The following ENTPD7 variants were observed in gnomAD, a reference collection of about 807,000 sequenced individuals.
ENTPD7 encodes NTPDase 7.
In ENTPD7, 53 loss-of-function variants were observed where a neutral mutation model predicts 77.9. The ratio of observed to expected loss-of-function variants is 0.68; its 90% confidence interval spans 0.55 to 0.85. The LOEUF (loss-of-function observed/expected upper bound fraction) is 0.85. ENTPD7 is among the 40% of genes least tolerant of loss of function. The pLI is 0.00. For missense variants in ENTPD7, 636 were observed against 743.7 expected (o/e 0.86, Z 1.68); for synonymous variants, 248 against 274.9 (o/e 0.90, Z 0.97).
At chr10:99,683,419 TA>T (rs879507272) in intron 5 of ENTPD7, among the ~76,000 whole-genome samples, 1 of 152,014 alleles carries the variant, frequency 6.6e-6, no homozygotes. Context: ...ATTTTGCAGT[TA>T]AAAAAAATCC....
At chr10:99,681,721 C>A (rs967352851) in intron 5 of ENTPD7, among the ~76,000 whole-genome samples, 3 of 152,140 alleles carry the variant, frequency 2.0e-5, no homozygotes, top group Admixed American at 1.3e-4. Context: ...TTTTGGATAA[C>A]AGCCATCCTG....
Position 99,704,549 on chromosome 10 carries a change from G to T in ENTPD7, c.1681G>T (p.Val561Leu), listed in dbSNP as rs769340182. ...TCTCTTCTTTGCCTGTATCCTGGTG[G>T]TGCTACTGGCCATCTTCCTATACCT... ...HYLFFACILVVLLAIFLYLLR... is the reference protein window; with the variant it reads ...HYLFFACILVLLLAIFLYLLR... The change falls in exon 13 of 13, where the codon GTG becomes TTG. Residue 561 changes from valine to leucine, a missense_variant. Val to Leu is a conservative substitution (Grantham distance 32). Coordinates refer to ENST00000370489, the MANE Select transcript of ENTPD7 (RefSeq NM_020354.5). The T allele has an allele frequency of 1.9e-6, 3 of 1,614,152 alleles. No homozygotes were observed. The highest frequency in any genetic ancestry group is 2.5e-6 in the Non-Finnish European group (3 of 1,180,026).
intron 3 of ENTPD7, among the ~76,000 whole-genome samples, chr10:99,662,248 T>C (rs1447017074): frequency 2.0e-5 from 3 of 152,232 alleles, no homozygotes; most frequent in Admixed American, 1.3e-4. Context: ...TCTTGTTCTT[T>C]TTCCTCTTTT....
Position 99,701,056 on chromosome 10 carries a change from C to G in ENTPD7, c.1419C>G (p.Leu473=), listed in dbSNP as rs536051677. The G allele has an allele frequency of 1.2e-6, 2 of 1,613,394 alleles. No individual in the cohort carries two copies. Among genetic ancestry groups the G allele is most frequent in the Non-Finnish European group, 1.7e-6 (2 of 1,179,398 alleles). The change falls in exon 11 of 13, where the codon CTC becomes CTG. Residue 473 remains leucine (L), a splice_region_variant and synonymous_variant. Coordinates refer to ENST00000370489, the MANE Select transcript of ENTPD7 (RefSeq NM_020354.5). ...CATCACATGCAGATGAGCATCGACT[C>G]AAGTAAGTTACTTCCCTTTCCTCCT... The part of the protein sequence containing the change: ...LFSSHADEHR[L]KYQCFKSAWM...
At chr10:99,660,056 GC>G (rs2035458365) in intron 2 of ENTPD7, 92 bp downstream of exon 2, 6 of 1,586,610 alleles carry the variant, frequency 3.8e-6, no homozygotes, top group Non-Finnish European at 5.2e-6. Context: ...AGTGAGGTTT[GC>G]CCTGGAGCTG....
chr10:99,707,866 T>C lies in ENTPD7; in HGVS notation c.*3183T>C, dbSNP rs1010297661. On this transcript the variant is annotated 3_prime_UTR_variant, in exon 13 of 13. Transcript: ENST00000370489. Reference sequence around the variant, plus strand: ...ATTATACCATTTTTTCTCTCTGTACTTTAGCTCCTTGAATTTCCTTAATCT... The same window carrying C: ...ATTATACCATTTTTTCTCTCTGTACCTTAGCTCCTTGAATTTCCTTAATCT... 4.6e-5 allele frequency among the ~76,000 whole-genome samples: 7 copies of C among 152,224 alleles called. No individual in the cohort carries two copies. Among genetic ancestry groups the C allele is most frequent in the Non-Finnish European group, 1.0e-4 (7 of 68,042 alleles).
At chr10:99,679,488 G>C (rs745313555) in intron 4 of ENTPD7, 22 bp downstream of exon 4, 1 of 1,592,484 alleles carries the variant, frequency 6.3e-7, no homozygotes, top group Admixed American at 1.8e-5. Context: ...AATATATTTT[G>C]TTGTCAGTCT....
At position 99,680,448 on chromosome 10, in the gene ENTPD7, G is replaced by C. The variant is rs193289532; in HGVS notation, c.548+573G>C. Among the ~76,000 whole-genome samples the C allele has an allele frequency of 6.6e-5, 10 of 152,180 alleles. No homozygotes were observed. In the East Asian group the frequency reaches 1.9e-3, roughly 29 times the overall value. On this transcript the variant is annotated intron_variant, in intron 5 of 12. Transcript: ENST00000370489. Reference sequence around the variant, plus strand: ...TGTATTTAGGCCAGACTCCTTGTTTGTGATTTCTCTCCTTTGGTACCACCT... The same window carrying C: ...TGTATTTAGGCCAGACTCCTTGTTTCTGATTTCTCTCCTTTGGTACCACCT...
chr10:99,666,743 G>T (rs1239400444), intron 3 of ENTPD7, among the ~76,000 whole-genome samples: 1 of 152,184 alleles, frequency 6.6e-6, no homozygotes, highest in Non-Finnish European at 1.5e-5. Flanking sequence ...TTAGCCTACT[G>T]TTGTGCAAAA....
In ENTPD7 at chr10:99,691,415, C is replaced by T; in HGVS notation, c.740C>T (p.Ala247Val). Residue 247 changes from alanine to valine, a missense_variant, in exon 8 of 13, where the codon GCA becomes GTA. Transcript: ENST00000370489. Reference protein sequence around the residue: ...ESDAEATQELAAGRRRTVGIL... With the variant: ...ESDAEATQELVAGRRRTVGIL... ...GATGCTGAGGCTACCCAGGAATTGGCAGCAGGACGGAGAAGGACAGTAGGG... is the reference window on the plus strand; with the variant it reads ...GATGCTGAGGCTACCCAGGAATTGGTAGCAGGACGGAGAAGGACAGTAGGG... The T allele has an allele frequency of 6.2e-7, 1 of 1,613,652 alleles. No homozygotes were observed. Among genetic ancestry groups the T allele is most frequent in the Non-Finnish European group, 8.5e-7 (1 of 1,179,722 alleles).
intron 7 of ENTPD7, among the ~76,000 whole-genome samples, chr10:99,691,127 C>T (rs942365761): frequency 6.6e-6 from 1 of 152,064 alleles, no homozygotes; most frequent in Non-Finnish European, 1.5e-5. Flanking sequence ...GCTGGGACTA[C>T]AGGTGTGCAC....
chr10:99,692,246 T>G (rs1260558627), intron 8 of ENTPD7, among the ~76,000 whole-genome samples: 2 of 152,214 alleles, frequency 1.3e-5, no homozygotes, highest in Non-Finnish European at 2.9e-5. Flanking sequence ...GTCAGATAAT[T>G]CTTTGTCATC....
Position 99,709,975 on chromosome 10 carries a change from C to T in ENTPD7, c.*5292C>T. ...GGGCTTTCACTTTTAAAATGTAATC[C>T]ATCATTGCTTGCCATTTTTATGAAA... On this transcript the variant is annotated 3_prime_UTR_variant, in exon 13 of 13. Transcript: ENST00000370489. 2 of 985,390 alleles carry T rather than the reference C, an allele frequency of 2.0e-6. No homozygotes were observed. The highest frequency in any genetic ancestry group is 2.4e-6 in the Non-Finnish European group (2 of 829,922). The allele number at this position is 985,390 out of a possible 1,614,324, so 61.0% of individuals were successfully genotyped here. A position where few individuals can be genotyped will look rare whatever the true frequency, so the allele number is the denominator to read the frequency against.
Position 99,711,043 on chromosome 10 carries a change from T to C in ENTPD7, c.*6360T>C, listed in dbSNP as rs997337758. On this transcript the variant is annotated 3_prime_UTR_variant, in exon 13 of 13. Coordinates refer to ENST00000370489, the MANE Select transcript of ENTPD7 (RefSeq NM_020354.5). ...TCTGTAATTATCCATTTTCCATTCA[T>C]GCATTCACTAATTCAATATTTGATA... The C allele has an allele frequency of 2.0e-6, 2 of 985,354 alleles. No homozygotes were observed. The highest frequency in any genetic ancestry group is 2.4e-6 in the Non-Finnish European group (2 of 829,860). 61.0% of individuals were successfully genotyped at this position (985,354 alleles called of 1,614,324 possible). A position where few individuals can be genotyped will look rare whatever the true frequency, so the allele number is the denominator to read the frequency against.
rs1211239937 is a variant in ENTPD7 at position 99,706,551 on chromosome 10, T to C, written c.*1868T>C. On this transcript the variant is annotated 3_prime_UTR_variant, in exon 13 of 13. Transcript: ENST00000370489. The stretch of plus-strand genomic sequence containing the variant: ...ATGGAGTCTGTGTTGTCCAGGCTGG[T>C]CTCAAACTCTTGGGCTCAAGCAATC... Among the ~76,000 whole-genome samples the C allele has an allele frequency of 6.6e-6, 1 of 151,826 alleles. No individual in the cohort carries two copies. Among genetic ancestry groups the C allele is most frequent in the Non-Finnish European group, 1.5e-5 (1 of 67,958 alleles).
intron 3 of ENTPD7, among the ~76,000 whole-genome samples, chr10:99,670,313 C>T (rs1449923539): frequency 1.3e-5 from 2 of 152,156 alleles, no homozygotes; most frequent in African/African-American, 4.8e-5. Context: ...GCTCAGTGGC[C>T]ACATGTGGAT....
Position 99,685,895 on chromosome 10 carries a change from G to A in ENTPD7, c.652G>A (p.Gly218Arg). Residue 218 changes from glycine to arginine, a missense_variant and splice_region_variant, in exon 6 of 13, where the codon GGG becomes AGG. Around this residue, in one of 3 missense-constraint regions of ENTPD7, gnomAD observed 486 missense variants for 556.5 expected, o/e 0.87. Coordinates refer to ENST00000370489, the MANE Select transcript of ENTPD7 (RefSeq NM_020354.5). ...QAEVISGKQE[G>R]VYAWIGINFV... ...AGAAGTGATCTCTGGGAAGCAGGAAGGTACTGGGCCTTAAGGGGTGCAGCT... is the reference window on the plus strand; with the variant it reads ...AGAAGTGATCTCTGGGAAGCAGGAAAGTACTGGGCCTTAAGGGGTGCAGCT... The A allele has an allele frequency of 6.2e-7, 1 of 1,611,154 alleles. No homozygotes were observed.
intron 3 of ENTPD7, among the ~76,000 whole-genome samples, chr10:99,671,989 G>A (rs2035623291): frequency 6.6e-6 from 1 of 152,140 alleles, no homozygotes; most frequent in Non-Finnish European, 1.5e-5. Flanking sequence ...GAAATGATTA[G>A]GTTCTTATGT....
At chr10:99,703,758 C>T (rs2036191007) in intron 12 of ENTPD7, among the ~76,000 whole-genome samples, 1 of 152,036 alleles carries the variant, frequency 6.6e-6, no homozygotes, top group African/African-American at 2.4e-5. Context: ...GCTCTGTTGC[C>T]CAGGCTGAGT....
Sources: gnomAD v4.1 joint callset for allele counts (sites outside exome capture counted in the v4.1 genomes callset) on GRCh38, gnomAD v4.1.1 for gene constraint, gnomAD v4.1.1 regional missense constraint, MANE v1.5 for transcripts, NCBI Gene and HGNC (gene_info 2026-07-23, HGNC 2026-07-21) for gene names.